PTPRD: variants seen among roughly 807,000 people sequenced by gnomAD.
PTPRD encodes the protein receptor-type tyrosine-protein phosphatase delta.
A neutral mutation model predicts 214.5 loss-of-function variants in PTPRD; 34 were observed. The ratio of observed to expected loss-of-function variants is 0.16; its 90% CI spans 0.12 to 0.21. PTPRD has a LOEUF of 0.21. Among genes scored for constraint, PTPRD ranks in the 10% least tolerant of loss-of-function variants. The pLI, the probability that PTPRD is intolerant of heterozygous loss-of-function variation, is 1.00. For synonymous variants in PTPRD, 1,128 were observed against 845.7 expected (o/e 1.33, Z -5.79); for missense variants, 2,545 against 2,398.7 (o/e 1.06, Z -1.27).
chr9:10,276,856 T>C (rs1439618985), intron 3 of PTPRD, among the ~76,000 whole-genome samples: 1 of 152,232 alleles, frequency 6.6e-6, no homozygotes, highest in Non-Finnish European at 1.5e-5. Context: ...CAGATCACCA[T>C]GACTTTCTCT....
chr9:10,129,016 G>A (rs2098839580), intron 3 of PTPRD, among the ~76,000 whole-genome samples: 1 of 152,114 alleles, frequency 6.6e-6, no homozygotes, highest in Non-Finnish European at 1.5e-5. Flanking sequence ...ACAAAGATTA[G>A]TTTTACAAAA....
chr9:9,536,076 T>A (rs1469777767), intron 8 of PTPRD, among the ~76,000 whole-genome samples: 1 of 152,092 alleles, frequency 6.6e-6, no homozygotes, highest in Non-Finnish European at 1.5e-5. Context: ...GATATAACAG[T>A]ATCTGTTACT....
chr9:8,773,464 G>A (rs969464745), intron 11 of PTPRD, among the ~76,000 whole-genome samples: 3 of 152,154 alleles, frequency 2.0e-5, no homozygotes, highest in African/African-American at 7.2e-5. Context: ...CACTCAGAGG[G>A]CACTGTACTT....
chr9:9,627,111 C>T (rs966727959), intron 7 of PTPRD, among the ~76,000 whole-genome samples: 1 of 152,138 alleles, frequency 6.6e-6, no homozygotes, highest in Admixed American at 6.5e-5. Flanking sequence ...GTCAGGAGTT[C>T]GAGACCAGCC....
intron 3 of PTPRD, among the ~76,000 whole-genome samples, chr9:10,046,789 T>C (rs990571466): frequency 2.6e-5 from 4 of 151,966 alleles, no homozygotes; most frequent in Admixed American, 6.6e-5. Context: ...ATAATATTTC[T>C]ATAGTGAAGA....
At chr9:9,303,737 T>A (rs1015951883) in intron 9 of PTPRD, among the ~76,000 whole-genome samples, 2 of 152,084 alleles carry the variant, frequency 1.3e-5, no homozygotes, top group African/African-American at 4.8e-5. Flanking sequence ...CTTGAGGGAA[T>A]CCTAAAGTGA....
chr9:8,966,175 C>G (rs2099193150), intron 11 of PTPRD, among the ~76,000 whole-genome samples: 1 of 152,024 alleles, frequency 6.6e-6, no homozygotes, highest in African/African-American at 2.4e-5. Context: ...CTCAATATTA[C>G]TAAAAGCAAT....
chr9:9,781,922 A>C (rs2098846881), intron 5 of PTPRD, among the ~76,000 whole-genome samples: 1 of 151,772 alleles, frequency 6.6e-6, no homozygotes, highest in South Asian at 2.1e-4. Context: ...CCTCCCAAGT[A>C]GCTGGGACTA....
At chr9:10,093,714 C>A in intron 3 of PTPRD, among the ~76,000 whole-genome samples, 1 of 151,194 alleles carries the variant, frequency 6.6e-6, no homozygotes, top group African/African-American at 2.4e-5. Context: ...TATGGTGGAT[C>A]GGATAAACAA....
intron 12 of PTPRD, among the ~76,000 whole-genome samples, chr9:8,695,619 T>G (rs1162467019): frequency 6.6e-6 from 1 of 152,176 alleles, no homozygotes; most frequent in Non-Finnish European, 1.5e-5. Flanking sequence ...AATTTTTGAG[T>G]AAGTGATAAA....
chr9:10,211,975 CA>C (rs1482282513), intron 3 of PTPRD, among the ~76,000 whole-genome samples: 1 of 151,782 alleles, frequency 6.6e-6, no homozygotes, highest in African/African-American at 2.4e-5. Flanking sequence ...CAAGATACAG[CA>C]GGTCAATTTT....
At chr9:8,939,938 T>A (rs1047971936) in intron 11 of PTPRD, among the ~76,000 whole-genome samples, 1 of 152,058 alleles carries the variant, frequency 6.6e-6, no homozygotes, top group Non-Finnish European at 1.5e-5. Context: ...TTAACATGTA[T>A]ATTTTTGGTC....
Position 10,260,097 on chromosome 9 carries a change from T to C in PTPRD, c.-545+80866A>G, listed in dbSNP as rs551537719. On this transcript the variant is annotated intron_variant, in intron 3 of 45. Coordinates refer to ENST00000381196, the MANE Select transcript of PTPRD (RefSeq NM_002839.4). ...ACACTAAAACAATCTTAGGATATATTTATACTAAAAAAAATTGTTTATCTG... is the reference window on the plus strand; with the variant it reads ...ACACTAAAACAATCTTAGGATATATCTATACTAAAAAAAATTGTTTATCTG... Among the ~76,000 whole-genome samples, 49 of 152,306 alleles carry C rather than the reference T, an allele frequency of 3.2e-4. 2 individuals carry two copies. Among genetic ancestry groups the C allele is most frequent in the Admixed American group, 2.8e-3 (43 of 15,296 alleles).
chr9:10,206,007 C>A (rs1429757347), intron 3 of PTPRD, among the ~76,000 whole-genome samples: 1 of 141,684 alleles, frequency 7.1e-6, no homozygotes, highest in African/African-American at 2.6e-5. Context: ...ATATGTAAAT[C>A]AACAATTCCA....
At chr9:8,646,920 GATA>G (rs541323042) in intron 12 of PTPRD, among the ~76,000 whole-genome samples, 261 of 151,114 alleles carry the variant, frequency 1.7e-3, no homozygotes, top group Non-Finnish European at 2.6e-3. Context: ...ATTTAGGACG[GATA>G]ATAATATCGT....
At chr9:8,752,387 G>T (rs1354782370) in intron 11 of PTPRD, among the ~76,000 whole-genome samples, 1 of 152,022 alleles carries the variant, frequency 6.6e-6, no homozygotes, top group Non-Finnish European at 1.5e-5. Context: ...TACCCTACAT[G>T]GTCTAAAAAG....
Position 8,846,242 on chromosome 9 carries a change from C to G in PTPRD, c.-103-112296G>C, listed in dbSNP as rs115778425. On this transcript the variant is annotated intron_variant, in intron 11 of 45. Coordinates refer to ENST00000381196, the MANE Select transcript of PTPRD (RefSeq NM_002839.4). ...ACCATCGTAAACTGTAGAACCTAAA[C>G]AGATGGGTTGTAAGATTTGGGCCGT... is the stretch of plus-strand genomic sequence containing the variant. Among the ~76,000 whole-genome samples the G allele has an allele frequency of 2.5e-3, 383 of 152,218 alleles. 1 individual carries two copies. The highest frequency in any genetic ancestry group is 8.8e-3 in the African/African-American group (367 of 41,536).
chr9:8,552,325 G>A (rs1340658563), intron 14 of PTPRD, among the ~76,000 whole-genome samples: 1 of 152,218 alleles, frequency 6.6e-6, no homozygotes, highest in Admixed American at 6.5e-5. Flanking sequence ...AAAAGGGAAA[G>A]TATTAGCAGG....
intron 14 of PTPRD, among the ~76,000 whole-genome samples, chr9:8,536,954 C>CAGT (rs1283009892): frequency 1.3e-5 from 2 of 152,018 alleles, no homozygotes; most frequent in African/African-American, 4.8e-5. Flanking sequence ...AAATGAATCA[C>CAGT]AGTATCAGGC....
Sources: gnomAD v4.1 joint callset for allele counts (sites outside exome capture counted in the v4.1 genomes callset) on GRCh38, gnomAD v4.1.1 for gene constraint, MANE v1.5 for transcripts, NCBI Gene and HGNC (gene_info 2026-07-23, HGNC 2026-07-21) for gene names.